The following ERGIC2 variants were observed in gnomAD, a reference collection of about 807,000 sequenced individuals.
The protein encoded by ERGIC2 is ERGIC and golgi 2, also known as endoplasmic reticulum-Golgi intermediate compartment protein 2.
Under a neutral mutation model 52.5 loss-of-function variants are expected in ERGIC2, and 31 were observed. That is an observed-to-expected ratio of 0.59 (90% CI 0.44 to 0.80). The LOEUF (loss-of-function observed/expected upper bound fraction) is 0.80. ERGIC2 is among the 30% of genes least tolerant of loss of function. ERGIC2 has a pLI of 0.00. For missense variants in ERGIC2, 395 were observed against 455.2 expected, an observed-to-expected ratio of 0.87 and a Z score of 1.20; for synonymous variants, 129 against 140.6, an observed-to-expected ratio of 0.92 and a Z score of 0.58.
At position 29,337,528 on chromosome 12, in the gene ERGIC2, A is replaced by G. The variant is rs894565222; in HGVS notation, c.*3628T>C. ...AAAAAAACTATGCTTTGATTGCATC[A>G]TCACAATATGGGGGGGATACATGGA... is the stretch of plus-strand genomic sequence containing the variant. On this transcript the variant is annotated 3_prime_UTR_variant, in exon 14 of 14. Coordinates refer to ENST00000360150, the MANE Select transcript of ERGIC2 (RefSeq NM_016570.3). The G allele has an allele frequency of 6.6e-6, 1 of 152,182 alleles. No homozygotes were observed. Among genetic ancestry groups the G allele is most frequent in the African/African-American group, 2.4e-5 (1 of 41,454 alleles). The allele number at this position is 152,182 out of a possible 1,614,324, so 9.4% of individuals were successfully genotyped here.
chr12:29,347,911 T>C (rs1403485135), intron 10 of ERGIC2, among the ~76,000 whole-genome samples: 1 of 152,200 alleles, frequency 6.6e-6, no homozygotes, highest in Non-Finnish European at 1.5e-5. Flanking sequence ...AACAGCTTTT[T>C]GAAAATTGAC....
chr12:29,361,059 C>T (rs1244828138), intron 6 of ERGIC2, among the ~76,000 whole-genome samples: 1 of 152,134 alleles, frequency 6.6e-6, no homozygotes, highest in African/African-American at 2.4e-5. Context: ...CCAGCCTAGT[C>T]AACATGGTGA....
In ERGIC2 at chr12:29,371,607, A is replaced by T; in HGVS notation, c.27T>A (p.Thr9=). 6.2e-7 allele frequency: 1 copy of T among 1,613,566 alleles called. No individual in the cohort carries two copies. Among genetic ancestry groups the T allele is most frequent in the Non-Finnish European group, 8.5e-7 (1 of 1,179,720 alleles). ...CATCCAACTCTTTTACCAAACTTAAAGTTTTTTTCCGATTCAGTCGCCTCA... is the reference window on the plus strand; with the variant it reads ...CATCCAACTCTTTTACCAAACTTAATGTTTTTTTCCGATTCAGTCGCCTCA... MRRLNRKK[T]LSLVKELDAF... The change falls in exon 2 of 14, where the codon ACT becomes ACA. Residue 9 remains threonine, a synonymous_variant. Coordinates refer to ENST00000360150, the MANE Select transcript of ERGIC2 (RefSeq NM_016570.3).
intron 3 of ERGIC2, 101 bp downstream of exon 3, chr12:29,370,012 CA>C (rs1278512764): frequency 1.8e-6 from 2 of 1,141,018 alleles, no homozygotes; most frequent in African/African-American, 3.3e-5. Flanking sequence ...AGAACTAAAA[CA>C]AACCAAATCT....
intron 8 of ERGIC2, among the ~76,000 whole-genome samples, chr12:29,353,413 T>A (rs530044200): frequency 2.4e-4 from 37 of 152,320 alleles, no homozygotes; most frequent in African/African-American, 8.7e-4. Context: ...ATTACAATAC[T>A]ACACGTTGAA....
intron 5 of ERGIC2, among the ~76,000 whole-genome samples, chr12:29,364,926 G>A (rs117352309): frequency 0.021 from 3,118 of 150,874 alleles, 93 homozygotes; most frequent in African/African-American, 0.061. Context: ...CAGTCAGAAT[G>A]GCTATTACTA....
chr12:29,349,401 T>G (rs1449449933), intron 9 of ERGIC2, among the ~76,000 whole-genome samples: 1 of 152,002 alleles, frequency 6.6e-6, no homozygotes, highest in East Asian at 1.9e-4. Flanking sequence ...TATCTCAAAT[T>G]TAATAATTAT....
intron 8 of ERGIC2, among the ~76,000 whole-genome samples, chr12:29,355,475 T>C (rs1565538984): frequency 6.6e-6 from 1 of 152,148 alleles, no homozygotes; most frequent in African/African-American, 2.4e-5. Context: ...CAATAAAGAA[T>C]TGTTCAGTTC....
chr12:29,367,500 T>C (rs1393653421), intron 4 of ERGIC2, among the ~76,000 whole-genome samples: 1 of 151,826 alleles, frequency 6.6e-6, no homozygotes, highest in Non-Finnish European at 1.5e-5. Context: ...AGTATTTTTT[T>C]ATCTCTTAAA....
chr12:29,367,823 C>T (rs1273348870), intron 4 of ERGIC2, among the ~76,000 whole-genome samples: 1 of 151,806 alleles, frequency 6.6e-6, no homozygotes, highest in Non-Finnish European at 1.5e-5. Context: ...GGTAACCTAT[C>T]ACCATTAACT....
intron 10 of ERGIC2, among the ~76,000 whole-genome samples, chr12:29,345,971 T>C (rs1052795186): frequency 2.0e-5 from 3 of 151,786 alleles, no homozygotes; most frequent in Admixed American, 6.6e-5. Context: ...TAAAAACATT[T>C]AATCTGAAAT....
chr12:29,379,077 G>C (rs186752801), intron 1 of ERGIC2, among the ~76,000 whole-genome samples: 291 of 152,282 alleles, frequency 1.9e-3, no homozygotes, highest in Non-Finnish European at 3.4e-3. Context: ...AAGACTAAAA[G>C]TTAAGAGAGA....
intron 8 of ERGIC2, among the ~76,000 whole-genome samples, chr12:29,355,762 G>A (rs186762840): frequency 5.3e-5 from 8 of 152,156 alleles, no homozygotes; most frequent in African/African-American, 1.4e-4. Context: ...TTAATGAAAT[G>A]TCTAGGTAAG....
intron 1 of ERGIC2, among the ~76,000 whole-genome samples, chr12:29,377,598 T>C (rs1940531768): frequency 6.6e-6 from 1 of 152,194 alleles, no homozygotes; most frequent in Non-Finnish European, 1.5e-5. Context: ...TTCTTGAATA[T>C]TTTCAATCTG....
intron 10 of ERGIC2, among the ~76,000 whole-genome samples, chr12:29,348,024 T>C (rs1316754857): frequency 6.6e-6 from 1 of 152,178 alleles, no homozygotes; most frequent in Non-Finnish European, 1.5e-5. Context: ...ATCTCTCAGG[T>C]AACATGCAAT....
intron 11 of ERGIC2, among the ~76,000 whole-genome samples, chr12:29,344,192 C>A (rs535491342): frequency 2.0e-5 from 3 of 152,224 alleles, no homozygotes; most frequent in Non-Finnish European, 2.9e-5. Flanking sequence ...TAATCTTCTA[C>A]TATTACAGAT....
chr12:29,359,355 G>A (rs969173738), intron 6 of ERGIC2, among the ~76,000 whole-genome samples: 2 of 151,828 alleles, frequency 1.3e-5, no homozygotes, highest in Non-Finnish European at 2.9e-5. Context: ...CAAGGGGTTT[G>A]ATGACAACAA....
intron 10 of ERGIC2, among the ~76,000 whole-genome samples, chr12:29,348,514 G>C (rs1282172487): frequency 1.3e-5 from 2 of 151,932 alleles, no homozygotes; most frequent in African/African-American, 4.8e-5. Context: ...TATTTGGATA[G>C]ACTTGATACT....
intron 4 of ERGIC2, among the ~76,000 whole-genome samples, chr12:29,367,378 C>G (rs1940379272): frequency 6.6e-6 from 1 of 151,620 alleles, no homozygotes; most frequent in South Asian, 2.1e-4. Flanking sequence ...TACAAATCAA[C>G]AAATAGGAAA....
Sources: gnomAD v4.1 joint callset for allele counts (sites outside exome capture counted in the v4.1 genomes callset) on GRCh38, gnomAD v4.1.1 for gene constraint, MANE v1.5 for transcripts, NCBI Gene and HGNC (gene_info 2026-07-23, HGNC 2026-07-21) for gene names.